The following TBC1D22A variants were observed in gnomAD, a reference collection of about 807,000 sequenced individuals.
The protein encoded by TBC1D22A is TBC1 domain family member 22A.
Under a neutral mutation model 60.2 loss-of-function variants are expected in TBC1D22A, and 38 were observed. The observed-to-expected ratio is 0.63, with a 90% confidence interval of 0.49 to 0.83. The LOEUF (loss-of-function observed/expected upper bound fraction) is 0.83. Ranked by LOEUF, TBC1D22A falls within the 40% of genes least tolerant of loss-of-function variation. The probability of loss-of-function intolerance (pLI) is 0.00; values close to 1 mark genes in which losing one functional copy is unlikely to be tolerated. For synonymous variants in TBC1D22A, 302 were observed against 281.7 expected (o/e 1.07, Z -0.72); for missense variants, 628 against 701.0 (o/e 0.90, Z 1.18).
At chr22:46,802,200 A>G (rs73477362) in intron 4 of TBC1D22A, among the ~76,000 whole-genome samples, 7,592 of 152,262 alleles carry the variant, frequency 0.05, 635 homozygotes, top group African/African-American at 0.17. Flanking sequence ...CTGTGGTTGT[A>G]GGCACTGGGG....
intron 12 of TBC1D22A, among the ~76,000 whole-genome samples, chr22:47,114,614 G>T (rs1294690035): frequency 2.0e-5 from 3 of 152,082 alleles, no homozygotes; most frequent in Non-Finnish European, 4.4e-5. Context: ...CCGCATCCAT[G>T]GGAGGCCACC....
rs201341131 is a variant in TBC1D22A at position 46,974,309 on chromosome 22, G to A, written c.1035G>A (p.Thr345=). ...CEYIEAEEVD[T]VDVSGVPAEV... is the part of the protein sequence containing the mutation. ...GCCCAGAGGCAGAGGAGGTGGACACGGTGGACGTCTCCGGCGTGCCCGCAG... is the reference window on the plus strand; with the variant it reads ...GCCCAGAGGCAGAGGAGGTGGACACAGTGGACGTCTCCGGCGTGCCCGCAG... The change falls in exon 9 of 13, where the codon ACG becomes ACA. Residue 345 remains threonine (T), a synonymous_variant. Coordinates refer to ENST00000337137, the MANE Select transcript of TBC1D22A (RefSeq NM_014346.5). The A allele has an allele frequency of 1.4e-4, 223 of 1,600,436 alleles. No homozygotes were observed. The highest frequency in any genetic ancestry group is 1.7e-4 in the Non-Finnish European group (203 of 1,173,828).
intron 11 of TBC1D22A, among the ~76,000 whole-genome samples, chr22:47,067,731 C>A (rs149367810): frequency 1.3e-5 from 2 of 152,330 alleles, no homozygotes; most frequent in African/African-American, 4.8e-5. Flanking sequence ...TATTTAATAA[C>A]TTGAAACAGA....
chr22:46,775,855 A>T (rs191455229), intron 1 of TBC1D22A, among the ~76,000 whole-genome samples: 77 of 152,368 alleles, frequency 5.1e-4, no homozygotes, highest in African/African-American at 1.6e-3. Context: ...AATTCCTTCA[A>T]AGATACGGTG....
chr22:46,938,827 C>A (rs1005472892), intron 8 of TBC1D22A, among the ~76,000 whole-genome samples: 1 of 151,996 alleles, frequency 6.6e-6, no homozygotes, highest in Non-Finnish European at 1.5e-5. Context: ...CTGAGGTGAT[C>A]CCCCTGCCTC....
chr22:47,079,038 T>C (rs984898229), intron 11 of TBC1D22A, among the ~76,000 whole-genome samples: 15 of 151,260 alleles, frequency 9.9e-5, no homozygotes, highest in Non-Finnish European at 1.9e-4. Flanking sequence ...TTTACGTGGC[T>C]TGGGGCTTGT....
chr22:46,766,122 C>G (rs983436126), intron 1 of TBC1D22A, among the ~76,000 whole-genome samples: 1 of 151,838 alleles, frequency 6.6e-6, no homozygotes, highest in Non-Finnish European at 1.5e-5. Flanking sequence ...CTCAGCCTCC[C>G]GAGTAGCTGG....
At chr22:47,138,566 G>T (rs1268867393) in intron 12 of TBC1D22A, among the ~76,000 whole-genome samples, 18 of 152,232 alleles carry the variant, frequency 1.2e-4, no homozygotes, top group Non-Finnish European at 2.5e-4. Flanking sequence ...GCTGTAGGAG[G>T]CAGGTTTTGG....
chr22:46,903,739 GTGGA>G (rs2069180600), intron 7 of TBC1D22A, among the ~76,000 whole-genome samples: 2 of 152,206 alleles, frequency 1.3e-5, no homozygotes, highest in African/African-American at 4.8e-5. Flanking sequence ...GACAGCCCCA[GTGGA>G]CGGGGGTGGA....
chr22:47,068,710 T>C (rs938370190), intron 11 of TBC1D22A, among the ~76,000 whole-genome samples: 18 of 152,248 alleles, frequency 1.2e-4, no homozygotes, highest in African/African-American at 4.1e-4. Context: ...TCCTTTTAAA[T>C]GAGCTAACAA....
intron 8 of TBC1D22A, among the ~76,000 whole-genome samples, chr22:46,944,166 G>T (rs1447479999): frequency 6.6e-6 from 1 of 152,108 alleles, no homozygotes; most frequent in Non-Finnish European, 1.5e-5. Flanking sequence ...AAAGGAGGAG[G>T]GTTGTGTTTC....
At chr22:46,983,241 C>T (rs1334942560) in intron 9 of TBC1D22A, among the ~76,000 whole-genome samples, 1 of 152,148 alleles carries the variant, frequency 6.6e-6, no homozygotes, top group Non-Finnish European at 1.5e-5. Flanking sequence ...GGGCAGACAG[C>T]TGTGAGGTGG....
intron 5 of TBC1D22A, 128 bp from the exon 6 acceptor site, chr22:46,891,138 T>C (rs1643725561): frequency 9.5e-7 from 1 of 1,054,536 alleles, no homozygotes; most frequent in Non-Finnish European, 1.3e-6. Flanking sequence ...CAATTTGTGC[T>C]CCTCTCTGTG....
chr22:46,815,224 G>A (rs2085543992), intron 4 of TBC1D22A, among the ~76,000 whole-genome samples: 1 of 152,276 alleles, frequency 6.6e-6, no homozygotes, highest in Middle Eastern at 3.4e-3. Context: ...TTTCCATGGC[G>A]TGAGCCCTGG....
chr22:47,011,470 G>A (rs1267243551), intron 10 of TBC1D22A, among the ~76,000 whole-genome samples: 4 of 152,074 alleles, frequency 2.6e-5, no homozygotes, highest in Non-Finnish European at 5.9e-5. Context: ...TTTTGGCTTC[G>A]ACCACATGCC....
intron 11 of TBC1D22A, among the ~76,000 whole-genome samples, chr22:47,068,702 CT>C (rs1241855875): frequency 6.6e-6 from 1 of 152,152 alleles, no homozygotes; most frequent in African/African-American, 2.4e-5. Context: ...TGATTGTGTC[CT>C]TTTAAATGAG....
At chr22:47,167,016 T>A (rs2068234517) in intron 12 of TBC1D22A, among the ~76,000 whole-genome samples, 1 of 152,234 alleles carries the variant, frequency 6.6e-6, no homozygotes, top group South Asian at 2.1e-4. Flanking sequence ...ACCCTATACT[T>A]CTTTTATTTT....
intron 11 of TBC1D22A, among the ~76,000 whole-genome samples, chr22:47,060,949 C>T (rs1048602026): frequency 6.6e-6 from 1 of 152,230 alleles, no homozygotes; most frequent in East Asian, 1.9e-4. Context: ...TCTTTGCCTA[C>T]TGAAGATATA....
intron 8 of TBC1D22A, among the ~76,000 whole-genome samples, chr22:46,932,282 G>A (rs1267081702): frequency 1.3e-5 from 2 of 152,182 alleles, no homozygotes; most frequent in African/African-American, 4.8e-5. Context: ...CGTCAAGGCC[G>A]TGCTGTGACC....
Sources: gnomAD v4.1 joint callset for allele counts (sites outside exome capture counted in the v4.1 genomes callset) on GRCh38, gnomAD v4.1.1 for gene constraint, MANE v1.5 for transcripts, NCBI Gene and HGNC (gene_info 2026-07-23, HGNC 2026-07-21) for gene names.